Variants in HERC1 observed in about 807,000 individuals in gnomAD.
The protein encoded by HERC1 is HECT and RLD domain containing E3 ubiquitin protein ligase family member 1.
In HERC1, 160 loss-of-function variants were observed where a neutral mutation model predicts 554.3. The ratio of observed to expected loss-of-function variants is 0.29; its 90% CI spans 0.25 to 0.33. The LOEUF is 0.33. Ranked by LOEUF, HERC1 falls within the 10% of genes least tolerant of loss-of-function variation. The pLI is 1.00. For synonymous variants in HERC1, 2,175 were observed against 2,131.7 expected (o/e 1.02, Z -0.56); for missense variants, 4,919 against 5,918.5 (o/e 0.83, Z 5.54).
intron 24 of HERC1, among the ~76,000 whole-genome samples, chr15:63,711,921 T>G (rs1392813754): frequency 6.6e-6 from 1 of 152,206 alleles, no homozygotes; most frequent in Non-Finnish European, 1.5e-5. Context: ...ATTGAAAACC[T>G]AGCTACCAAT....
At chr15:63,665,345 A>C (rs576858787) in intron 42 of HERC1, among the ~76,000 whole-genome samples, 9 of 152,312 alleles carry the variant, frequency 5.9e-5, no homozygotes, top group Non-Finnish European at 1.2e-4. Flanking sequence ...CGTCCTGGCC[A>C]ACATGGTGAA....
intron 74 of HERC1, among the ~76,000 whole-genome samples, chr15:63,621,786 T>C (rs1484610465): frequency 6.6e-6 from 1 of 152,236 alleles, no homozygotes; most frequent in African/African-American, 2.4e-5. Flanking sequence ...TCGAATCGGT[T>C]ACTGAGGCTT....
intron 1 of HERC1, among the ~76,000 whole-genome samples, chr15:63,816,894 C>T (rs2077509697): frequency 6.6e-6 from 1 of 152,114 alleles, no homozygotes; most frequent in Non-Finnish European, 1.5e-5. Context: ...TCAACAGCTG[C>T]TAACATCACA....
At chr15:63,670,492 G>A (rs965952664) in intron 39 of HERC1, among the ~76,000 whole-genome samples, 4 of 152,148 alleles carry the variant, frequency 2.6e-5, no homozygotes, top group African/African-American at 9.7e-5. Context: ...GTAGTTCTCT[G>A]GTTTTTCCTC....
chr15:63,658,871 A>G lies in HERC1; in HGVS notation c.9425-153T>C, dbSNP rs528637454. On this transcript the variant is annotated intron_variant, in intron 47 of 77. Transcript: ENST00000443617. ...TTATACAGAAAATTTCTTAGGAGAAACTCACATATTTCTAAGTTTGAACTT... is the reference window on the plus strand; with the variant it reads ...TTATACAGAAAATTTCTTAGGAGAAGCTCACATATTTCTAAGTTTGAACTT... Among the ~76,000 whole-genome samples the G allele has an allele frequency of 1.6e-4, 25 of 152,346 alleles. No individual in the cohort carries two copies. In the South Asian group the frequency reaches 4.1e-3, roughly 25 times the overall value.
At chr15:63,784,732 C>T (rs1280400702) in intron 1 of HERC1, among the ~76,000 whole-genome samples, 1 of 152,158 alleles carries the variant, frequency 6.6e-6, no homozygotes, top group East Asian at 1.9e-4. Context: ...CTCAGCCTCC[C>T]AAGTAACTGG....
chr15:63,798,456 C>T (rs1014514525), intron 1 of HERC1, among the ~76,000 whole-genome samples: 2 of 151,948 alleles, frequency 1.3e-5, no homozygotes, highest in Admixed American at 6.6e-5. Flanking sequence ...GTTCTTAAAA[C>T]CACCAAGTCA....
intron 21 of HERC1, among the ~76,000 whole-genome samples, chr15:63,717,420 G>A (rs1436061812): frequency 6.6e-6 from 1 of 152,214 alleles, no homozygotes; most frequent in Admixed American, 6.5e-5. Flanking sequence ...GATTAGTTAA[G>A]TTTCAAAGTC....
intron 1 of HERC1, among the ~76,000 whole-genome samples, chr15:63,831,039 A>G (rs2078134827): frequency 6.6e-6 from 1 of 152,244 alleles, no homozygotes; most frequent in Non-Finnish European, 1.5e-5. Context: ...TCTGCAATAC[A>G]TGCTCACAAC....
chr15:63,695,479 G>A (rs547010129), intron 27 of HERC1, among the ~76,000 whole-genome samples: 373 of 149,338 alleles, frequency 2.5e-3, no homozygotes, highest in Non-Finnish European at 3.9e-3. Context: ...TCCACCTCCC[G>A]GGTTCAAGCG....
Position 63,826,263 on chromosome 15 carries a change from G to A in HERC1, c.-27+7564C>T, listed in dbSNP as rs964567359. Among the ~76,000 whole-genome samples, 9 of 152,022 alleles carry A rather than the reference G, an allele frequency of 5.9e-5. No homozygotes were observed. In the East Asian group the frequency reaches 1.2e-3, roughly 19 times the overall value. ...CATGTTGTCTTGGTTTTTTGGCACC[G>A]CTAAAATCTAATAGGATTGCCCTAA... On this transcript the variant is annotated intron_variant, in intron 1 of 77. Transcript: ENST00000443617.
At chr15:63,660,862 T>C (rs971877004) in intron 46 of HERC1, 111 bp downstream of exon 46, 2 of 655,280 alleles carry the variant, frequency 3.1e-6, no homozygotes, top group African/African-American at 3.7e-5. Flanking sequence ...AGTTAACATG[T>C]ACACAAATAC....
At chr15:63,745,749 G>C (rs61107158) in intron 12 of HERC1, among the ~76,000 whole-genome samples, 1,874 of 152,254 alleles carry the variant, frequency 0.012, 35 homozygotes, top group African/African-American at 0.043. Flanking sequence ...TCTTATGAAG[G>C]TGGTTTTTTC....
chr15:63,616,068 A>G (rs1352501799), intron 75 of HERC1, 148 bp from the exon 76 acceptor site: 1 of 680,820 alleles, frequency 1.5e-6, no homozygotes, highest in Non-Finnish European at 2.4e-6. Flanking sequence ...TGATCAGGCT[A>G]CTTGATCAGC....
At chr15:63,630,222 C>T (rs1346282828) in intron 69 of HERC1, among the ~76,000 whole-genome samples, 1 of 152,156 alleles carries the variant, frequency 6.6e-6, no homozygotes, top group African/African-American at 2.4e-5. Flanking sequence ...AAATACTCAG[C>T]CAATCCCCTT....
Position 63,677,986 on chromosome 15 carries a change from A to G in HERC1, c.6929T>C (p.Ile2310Thr). 1.2e-6 allele frequency: 2 copies of G among 1,613,966 alleles called. No individual in the cohort carries two copies. The highest frequency in any genetic ancestry group is 1.7e-5 in the Admixed American group (1 of 60,018). Residue 2310 changes from isoleucine (I) to threonine (T), a missense_variant, in exon 37 of 78, where the codon ATA becomes ACA. This residue lies in a region of HERC1 where 1,963 missense variants were observed against 2,228.6 expected (regional missense o/e 0.88). Coordinates refer to ENST00000443617, the MANE Select transcript of HERC1 (RefSeq NM_003922.4). This position sits in a 1 kb window ranked among gnomAD's most constrained non-coding sequence, Gnocchi z 4.4. The stretch of plus-strand genomic sequence containing the variant: ...TCTAAGACCAGCATCAACTCCTCCT[A>G]TCACAGCCAGCACGGGCCACACCTC... ...CIEVWPVLAV[I>T]GGVDAGLRVG... is the part of the protein sequence containing the mutation.
intron 68 of HERC1, among the ~76,000 whole-genome samples, chr15:63,631,665 C>T (rs1002910820): frequency 3.9e-5 from 6 of 152,160 alleles, no homozygotes; most frequent in East Asian, 3.9e-4. Flanking sequence ...CTCAGCGTCC[C>T]GAGTAGCTGG....
Position 63,756,605 on chromosome 15 carries a change from T to C in HERC1, c.1365A>G (p.Arg455=). The C allele has an allele frequency of 6.2e-7, 1 of 1,613,928 alleles. No homozygotes were observed. The highest frequency in any genetic ancestry group is 8.5e-7 in the Non-Finnish European group (1 of 1,179,836). The part of the protein sequence containing the change: ...TLKKLTFEPH[R]SIKKVSSSKG... ...TAGAAGATGAAACCTTTTTAATGGA[T>C]CTGTGAGGCTCGAATGTTAACTTTT... The change falls in exon 5 of 78, where the codon AGA becomes AGG. Residue 455 remains arginine, a synonymous_variant. Transcript: ENST00000443617. The surrounding 1 kb of genome is among the most constrained non-coding windows in gnomAD (Gnocchi z 5.0).
chr15:63,666,763 G>A (rs1036964058), intron 40 of HERC1, among the ~76,000 whole-genome samples: 2 of 152,074 alleles, frequency 1.3e-5, no homozygotes, highest in African/African-American at 4.8e-5. Context: ...AAATTTATTT[G>A]TAATCTCAAA....
Sources: allele counts gnomAD v4.1 joint callset (sites outside exome capture counted in the v4.1 genomes callset), GRCh38; gene constraint gnomAD v4.1.1; regional missense constraint gnomAD v4.1.1; non-coding constraint Gnocchi (gnomAD v3.1); transcripts MANE v1.5; gene names NCBI Gene and HGNC (gene_info 2026-07-23, HGNC 2026-07-21).